The following CD38 variants were observed in gnomAD, a reference collection of about 807,000 sequenced individuals.
The protein encoded by CD38 is ADP-ribosyl cyclase/cyclic ADP-ribose hydrolase 1.
In CD38, 31 loss-of-function variants were observed where a neutral mutation model predicts 36.3. The observed-to-expected ratio is 0.85, with a 90% CI of 0.64 to 1.15. The LOEUF is 1.15. CD38 is among the 50% of genes most tolerant of loss of function. CD38 has a pLI of 0.00. For synonymous variants in CD38, 131 were observed against 135.2 expected, an observed-to-expected ratio of 0.97 and a Z score of 0.22; for missense variants, 380 against 371.9, an observed-to-expected ratio of 1.02 and a Z score of -0.18.
In CD38 at chr4:15,824,865, A is replaced by G. The variant is rs1333837132; in HGVS notation, c.364-16A>G. The G allele has an allele frequency of 6.2e-7, 1 of 1,606,058 alleles. No homozygotes were observed. The highest frequency in any genetic ancestry group is 8.5e-7 in the Non-Finnish European group (1 of 1,173,618). On this transcript the variant is annotated splice_polypyrimidine_tract_variant and intron_variant, in intron 2 of 7. Transcript: ENST00000226279. ...TAAATTGATCTCAGTAATAGATTGT[A>G]TTTATTCTTCCTTAGATTCTTCTTT...
At chr4:15,783,228 A>T (rs1209052298) in intron 1 of CD38, among the ~76,000 whole-genome samples, 2 of 152,120 alleles carry the variant, frequency 1.3e-5, no homozygotes. Flanking sequence ...GTCTGGTGAT[A>T]GTCAGGACGG....
At chr4:15,836,122 G>A (rs1724065586) in intron 4 of CD38, among the ~76,000 whole-genome samples, 1 of 152,214 alleles carries the variant, frequency 6.6e-6, no homozygotes. Context: ...GTCCATTTGT[G>A]CTGCTATCAC....
intron 1 of CD38, among the ~76,000 whole-genome samples, chr4:15,779,132 G>A (rs992461704): frequency 3.3e-5 from 5 of 152,226 alleles, no homozygotes; most frequent in Non-Finnish European, 7.3e-5. Flanking sequence ...TAAGTGGTTT[G>A]CAAAGCCTGT....
chr4:15,841,035 TA>T (rs936894854), intron 7 of CD38, among the ~76,000 whole-genome samples: 1 of 152,068 alleles, frequency 6.6e-6, no homozygotes, highest in Non-Finnish European at 1.5e-5. Context: ...CTATATTTTT[TA>T]AATTAAAAAA....
chr4:15,798,650 A>G (rs962934976), intron 1 of CD38, among the ~76,000 whole-genome samples: 3 of 152,220 alleles, frequency 2.0e-5, no homozygotes, highest in Non-Finnish European at 4.4e-5. Context: ...GCCACGTTGC[A>G]TATGGCCAAA....
chr4:15,793,656 T>C (rs1165003718), intron 1 of CD38, among the ~76,000 whole-genome samples: 2 of 152,274 alleles, frequency 1.3e-5, no homozygotes, highest in Admixed American at 6.5e-5. Context: ...GCTGCTGCAT[T>C]GAGAACAGAT....
chr4:15,788,737 G>C (rs1266359376), intron 1 of CD38, among the ~76,000 whole-genome samples: 1 of 152,176 alleles, frequency 6.6e-6, no homozygotes, highest in East Asian at 1.9e-4. Context: ...TTTTCAAAAA[G>C]GTAAGAGCGT....
intron 1 of CD38, among the ~76,000 whole-genome samples, chr4:15,798,405 T>C (rs78167039): frequency 6.6e-6 from 1 of 152,166 alleles, no homozygotes; most frequent in African/African-American, 2.4e-5. Flanking sequence ...CACACCCCCA[T>C]TTCAAGTCTC....
chr4:15,831,687 C>A (rs1454807796), intron 3 of CD38, among the ~76,000 whole-genome samples: 2 of 152,032 alleles, frequency 1.3e-5, no homozygotes, highest in Non-Finnish European at 1.5e-5. Flanking sequence ...CTATTTGTTT[C>A]TTTTCTCTTG....
chr4:15,786,558 C>T (rs986564456), intron 1 of CD38, among the ~76,000 whole-genome samples: 9 of 151,714 alleles, frequency 5.9e-5, no homozygotes, highest in African/African-American at 2.2e-4. Flanking sequence ...CTGATTGGTC[C>T]GTTTACAAAC....
rs140769850 is a variant in CD38, at chr4:15,786,633, C to T, written c.233+7986C>T. ...TCCCTTAGCTAGACATAAATGTTCT[C>T]CAAGTCCCCACTAGACTCAGAAGCC... On this transcript the variant is annotated intron_variant, in intron 1 of 7. Coordinates refer to ENST00000226279, the MANE Select transcript of CD38 (RefSeq NM_001775.4). Among the ~76,000 whole-genome samples the T allele has an allele frequency of 6.6e-3, 1,009 of 152,360 alleles. 12 individuals carry two copies. The highest frequency in any genetic ancestry group is 0.023 in the African/African-American group (949 of 41,586).
rs1033350522 is a variant in CD38, at chr4:15,778,728, C to T, written c.233+81C>T. On this transcript the variant is annotated intron_variant, in intron 1 of 7. Transcript: ENST00000226279. The surrounding 1 kb of genome is among the most constrained non-coding windows in gnomAD (Gnocchi z 4.9). ...GCGCAGGGAAGCCGCCCGGATCGCC[C>T]GGAACCGGGCATCTTCCGTGGCGGG... is the stretch of plus-strand genomic sequence containing the variant. 6.2e-5 allele frequency: 62 copies of T among 992,536 alleles called. No homozygotes were observed. The highest frequency in any genetic ancestry group is 8.6e-5 in the Non-Finnish European group (57 of 659,500). The allele number at this position is 992,536 out of a possible 1,614,324, so 61.5% of individuals were successfully genotyped here.
intron 7 of CD38, 74 bp from the exon 8 acceptor site, chr4:15,848,465 T>G (rs1268109233): frequency 5.5e-6 from 6 of 1,083,764 alleles, no homozygotes; most frequent in Non-Finnish European, 8.5e-6. Context: ...AAAAAGGGGC[T>G]TCCTCCATTA....
At chr4:15,780,550 A>G (rs1368868655) in intron 1 of CD38, among the ~76,000 whole-genome samples, 1 of 151,800 alleles carries the variant, frequency 6.6e-6, no homozygotes, top group South Asian at 2.1e-4. Context: ...ACACACACAC[A>G]CACACACACA....
chr4:15,821,234 G>C (rs1723727937), intron 2 of CD38, among the ~76,000 whole-genome samples: 2 of 152,088 alleles, frequency 1.3e-5, no homozygotes, highest in South Asian at 4.1e-4. Flanking sequence ...ACATCAAAAA[G>C]CTAGGAAGAT....
chr4:15,789,283 C>T (rs961722974), intron 1 of CD38, among the ~76,000 whole-genome samples: 7 of 152,096 alleles, frequency 4.6e-5, no homozygotes, highest in African/African-American at 1.4e-4. Context: ...AACTTATATT[C>T]TAGTAGGGGA....
intron 2 of CD38, among the ~76,000 whole-genome samples, chr4:15,817,375 A>G (rs1255184248): frequency 1.3e-5 from 2 of 152,236 alleles, no homozygotes; most frequent in African/African-American, 4.8e-5. Context: ...CCTTAAATCC[A>G]TCCAGAAATT....
chr4:15,838,781 C>G (rs1334808429), intron 5 of CD38, among the ~76,000 whole-genome samples: 1 of 152,078 alleles, frequency 6.6e-6, no homozygotes, highest in Non-Finnish European at 1.5e-5. Flanking sequence ...CTCTGTGAGC[C>G]CCTGAATATG....
rs1038197731 is a variant in CD38 at position 15,841,494 on chromosome 4, A to G, written c.839+956A>G. Among the ~76,000 whole-genome samples, 5 of 152,242 alleles carry G rather than the reference A, an allele frequency of 3.3e-5. No homozygotes were observed. In the South Asian group the frequency reaches 6.2e-4, roughly 19 times the overall value. ...AGGCCATGAGCATTCTACAGCAGTT[A>G]GACAGGAAAACAGAAAGAATGAATG... On this transcript the variant is annotated intron_variant, in intron 7 of 7. Transcript: ENST00000226279.
Sources: allele counts gnomAD v4.1 joint callset (sites outside exome capture counted in the v4.1 genomes callset), GRCh38; gene constraint gnomAD v4.1.1; non-coding constraint Gnocchi (gnomAD v3.1); transcripts MANE v1.5; gene names NCBI Gene and HGNC (gene_info 2026-07-23, HGNC 2026-07-21).